CDYL: variants seen among roughly 807,000 people sequenced by gnomAD.
CDYL encodes the protein chromodomain Y like, also known as chromodomain Y-like protein.
Under a neutral mutation model 47.3 loss-of-function variants are expected in CDYL, and 8 were observed. That is an observed-to-expected ratio of 0.17 (90% CI 0.10 to 0.31). CDYL has a LOEUF of 0.31. CDYL is among the 10% of genes least tolerant of loss of function. The pLI is 1.00. For synonymous variants in CDYL, 266 were observed against 265.0 expected, an observed-to-expected ratio of 1.00 and a Z score of -0.04; for missense variants, 471 against 701.4, an observed-to-expected ratio of 0.67 and a Z score of 3.71.
intron 2 of CDYL, among the ~76,000 whole-genome samples, chr6:4,916,003 C>G (rs1757545827): frequency 6.6e-6 from 1 of 152,236 alleles, no homozygotes; most frequent in Admixed American, 6.5e-5. Flanking sequence ...CACCCATGAC[C>G]TGGAAGCCTC....
chr6:4,717,373 C>T (rs1291767496), intron 2 of CDYL, among the ~76,000 whole-genome samples: 2 of 152,022 alleles, frequency 1.3e-5, no homozygotes, highest in Non-Finnish European at 2.9e-5. Context: ...CCAGGATCCA[C>T]CATAAGGGAC....
At chr6:4,825,848 CAAAAAAA>C (rs34591908) in intron 1 of CDYL, among the ~76,000 whole-genome samples, 10 of 98,848 alleles carry the variant, frequency 1.0e-4, no homozygotes, top group Non-Finnish European at 1.8e-4. Context: ...CCTAGAATGG[CAAAAAAA>C]AAAAAAAAAA....
chr6:4,849,779 A>G (rs1760769747), intron 1 of CDYL, among the ~76,000 whole-genome samples: 1 of 152,144 alleles, frequency 6.6e-6, no homozygotes. Context: ...TAAAAGTTCA[A>G]GGGACATAGC....
intron 1 of CDYL, among the ~76,000 whole-genome samples, chr6:4,788,479 T>TAAA (rs1758820296): frequency 1.7e-4 from 2 of 11,772 alleles, no homozygotes; most frequent in Admixed American, 1.5e-3. Context: ...TGAGACTCTG[T>TAAA]CAAAAAAAAA....
chr6:4,826,527 G>A lies in CDYL; in HGVS notation c.24+49720G>A, dbSNP rs1759986871. The stretch of plus-strand genomic sequence containing the variant: ...CTCTGACCACTGCCTTCACTACATT[G>A]CATACTTTTTCTGTGTTGTGATTTT... On this transcript the variant is annotated intron_variant, in intron 1 of 6. Coordinates refer to ENST00000397588, the MANE Select transcript of CDYL (RefSeq NM_004824.4). Among the ~76,000 whole-genome samples, 2 of 151,920 alleles carry A rather than the reference G, an allele frequency of 1.3e-5. 1 individual carries two copies. Among genetic ancestry groups the A allele is most frequent in the South Asian group, 4.1e-4 (2 of 4,826 alleles).
At chr6:4,834,197 T>C (rs1760226383) in intron 1 of CDYL, among the ~76,000 whole-genome samples, 1 of 152,250 alleles carries the variant, frequency 6.6e-6, no homozygotes, top group African/African-American at 2.4e-5. Context: ...GGCATGATTT[T>C]GCAGCGGCTG....
rs1761527855 is a variant in CDYL at position 4,873,362 on chromosome 6, A to C, written c.25-18351A>C. Among the ~76,000 whole-genome samples the C allele has an allele frequency of 2.0e-5, 3 of 152,206 alleles. 1 individual carries two copies. The South Asian group carries it at 6.2e-4, about 32-fold the overall frequency. On this transcript the variant is annotated intron_variant, in intron 1 of 6. Transcript: ENST00000397588. ...GATAATGACTACTATGACTTTTAGC[A>C]AAAGGGGTATATTTAATTTTTATGC...
intron 3 of CDYL, among the ~76,000 whole-genome samples, chr6:4,748,997 C>G (rs934838890): frequency 1.9e-4 from 29 of 152,224 alleles, no homozygotes; most frequent in African/African-American, 7.0e-4. Flanking sequence ...GGAAGTGACT[C>G]CCCTGTAGAC....
At chr6:4,877,071 C>T (rs944842030) in intron 1 of CDYL, among the ~76,000 whole-genome samples, 1 of 152,206 alleles carries the variant, frequency 6.6e-6, no homozygotes, top group Admixed American at 6.5e-5. Context: ...AATCTGCTGG[C>T]ATCTTGACCT....
intron 3 of CDYL, among the ~76,000 whole-genome samples, chr6:4,739,133 C>G (rs1757753105): frequency 6.6e-6 from 1 of 151,116 alleles, no homozygotes; most frequent in Non-Finnish European, 1.5e-5. Flanking sequence ...TGCACTCCAG[C>G]CTGGGCAACA....
At chr6:4,735,554 A>G (rs1352765376) in intron 3 of CDYL, among the ~76,000 whole-genome samples, 2 of 151,924 alleles carry the variant, frequency 1.3e-5, no homozygotes, top group Non-Finnish European at 2.9e-5. Context: ...GCTTGAGGAA[A>G]GGAGTTCGAG....
At chr6:4,730,882 C>T (rs769339257) in intron 2 of CDYL, among the ~76,000 whole-genome samples, 7 of 152,066 alleles carry the variant, frequency 4.6e-5, no homozygotes, top group Non-Finnish European at 7.4e-5. Context: ...GCACACATTC[C>T]GCCTTGCTCT....
intron 2 of CDYL, among the ~76,000 whole-genome samples, chr6:4,935,244 C>G (rs1468152556): frequency 6.6e-6 from 1 of 152,200 alleles, no homozygotes; most frequent in Non-Finnish European, 1.5e-5. Flanking sequence ...AAAAAAATCT[C>G]TAACTATGTA....
At chr6:4,927,359 C>CT (rs143431565) in intron 2 of CDYL, among the ~76,000 whole-genome samples, 1,691 of 147,906 alleles carry the variant, frequency 0.011, 35 homozygotes, top group African/African-American at 0.034. Flanking sequence ...GAAAGAACGT[C>CT]TTTTTTTTTT....
intron 1 of CDYL, among the ~76,000 whole-genome samples, chr6:4,878,151 A>G (rs538837227): frequency 1.3e-5 from 2 of 152,230 alleles, no homozygotes; most frequent in East Asian, 3.9e-4. Flanking sequence ...CAGATTGTTA[A>G]TACTTTAATA....
At chr6:4,870,602 C>T (rs1162132087) in intron 1 of CDYL, among the ~76,000 whole-genome samples, 3 of 152,076 alleles carry the variant, frequency 2.0e-5, no homozygotes, top group Non-Finnish European at 2.9e-5. Context: ...TCTGTTCCTT[C>T]TCTCTCCCCT....
At chr6:4,855,126 A>G (rs1760968163) in intron 1 of CDYL, among the ~76,000 whole-genome samples, 2 of 152,236 alleles carry the variant, frequency 1.3e-5, no homozygotes, top group Admixed American at 1.3e-4. Context: ...GATTGACTAT[A>G]TAGATAGATT....
At chr6:4,819,386 C>T (rs1309596041) in intron 1 of CDYL, among the ~76,000 whole-genome samples, 1 of 152,068 alleles carries the variant, frequency 6.6e-6, no homozygotes, top group Non-Finnish European at 1.5e-5. Context: ...GTTCCCACTC[C>T]CTCATTGGAC....
intron 1 of CDYL, among the ~76,000 whole-genome samples, chr6:4,853,645 C>CT (rs1447664332): frequency 6.6e-6 from 1 of 152,228 alleles, no homozygotes; most frequent in Non-Finnish European, 1.5e-5. Flanking sequence ...TCCCTGTCTC[C>CT]TGCCTTTCTT....
Sources: allele counts gnomAD v4.1 joint callset (sites outside exome capture counted in the v4.1 genomes callset), GRCh38; gene constraint gnomAD v4.1.1; transcripts MANE v1.5; gene names NCBI Gene and HGNC (gene_info 2026-07-23, HGNC 2026-07-21).